DNAJB14: variants seen among roughly 807,000 people sequenced by gnomAD.
DNAJB14 encodes the protein DnaJ heat shock protein family (Hsp40) member B14.
Under a neutral mutation model 48.4 loss-of-function variants are expected in DNAJB14, and 22 were observed. The ratio of observed to expected loss-of-function variants is 0.45; its 90% CI spans 0.32 to 0.65. The LOEUF (loss-of-function observed/expected upper bound fraction) is 0.65. Ranked by LOEUF, DNAJB14 falls within the 30% of genes least tolerant of loss-of-function variation. The probability of loss-of-function intolerance (pLI) is 0.03; values close to 1 mark genes in which losing one functional copy is unlikely to be tolerated. For missense variants in DNAJB14, 319 were observed against 458.8 expected (o/e 0.70, Z 2.78); for synonymous variants, 142 against 158.7 (o/e 0.89, Z 0.79).
chr4:99,920,756 C>T (rs1008146495), intron 3 of DNAJB14, among the ~76,000 whole-genome samples: 1 of 152,074 alleles, frequency 6.6e-6, no homozygotes, highest in African/African-American at 2.4e-5. Flanking sequence ...ATTTTTAAAG[C>T]TTTACAAAAC....
chr4:99,941,278 G>A (rs1162854338), intron 1 of DNAJB14, among the ~76,000 whole-genome samples: 1 of 152,138 alleles, frequency 6.6e-6, no homozygotes, highest in African/African-American at 2.4e-5. Context: ...CAGCAAGGCA[G>A]AAGAACTAAA....
At position 99,923,579 on chromosome 4, in the gene DNAJB14, A is replaced by T. The variant is rs1002943680; in HGVS notation, c.306-394T>A. 3.5e-5 allele frequency: 25 copies of T among 722,428 alleles called. No individual in the cohort carries two copies. In the South Asian group the frequency reaches 6.2e-4, roughly 18 times the overall value. 44.8% of individuals were successfully genotyped at this position (722,428 alleles called of 1,614,324 possible). On this transcript the variant is annotated intron_variant, in intron 2 of 7. Coordinates refer to ENST00000442697, the MANE Select transcript of DNAJB14 (RefSeq NM_001031723.4). ...AACTCCTCAAAAGTATGTCACAGCT[A>T]AGAATGAACATGCATTACATTCCAA...
At chr4:99,908,587 A>G (rs751622608) in intron 4 of DNAJB14, 124 bp downstream of exon 4, 2 of 705,168 alleles carry the variant, frequency 2.8e-6, no homozygotes, top group Non-Finnish European at 4.2e-6. Flanking sequence ...ATGAAAAACC[A>G]TTACAGGATC....
At chr4:99,911,434 A>G (rs1725656944) in intron 3 of DNAJB14, among the ~76,000 whole-genome samples, 1 of 152,182 alleles carries the variant, frequency 6.6e-6, no homozygotes, top group Non-Finnish European at 1.5e-5. Context: ...TGGGTTGTAT[A>G]GTAGCTGCAC....
intron 6 of DNAJB14, 78 bp from the exon 7 acceptor site, chr4:99,903,976 A>C: frequency 7.0e-7 from 1 of 1,425,668 alleles, no homozygotes; most frequent in African/African-American, 1.5e-5. Context: ...AAACAAAAAC[A>C]ATTAAAAATC....
intron 2 of DNAJB14, chr4:99,924,271 A>G (rs1471226101): frequency 6.5e-6 from 1 of 153,024 alleles, no homozygotes; most frequent in Non-Finnish European, 1.5e-5. Context: ...AGAACTGCAA[A>G]GACTGACTCA....
chr4:99,898,296 A>G lies in DNAJB14; in HGVS notation c.*2732T>C, dbSNP rs1725191419. 2 of 151,982 alleles carry G rather than the reference A, an allele frequency of 1.3e-5. No homozygotes were observed. Among genetic ancestry groups the G allele is most frequent in the Admixed American group, 6.6e-5 (1 of 15,264 alleles). 9.4% of individuals were successfully genotyped at this position (151,982 alleles called of 1,614,324 possible). A position where few individuals can be genotyped will look rare whatever the true frequency, so the allele number is the denominator to read the frequency against. On this transcript the variant is annotated 3_prime_UTR_variant, in exon 8 of 8. Coordinates refer to ENST00000442697, the MANE Select transcript of DNAJB14 (RefSeq NM_001031723.4). ...TCTACCAAATCTTTGTAAATCATAA[A>G]CAAGCATGTAATGATTATGAAACAA... is the stretch of plus-strand genomic sequence containing the variant.
At chr4:99,923,233 C>T in intron 2 of DNAJB14, 48 bp from the exon 3 acceptor site, 3 of 1,489,456 alleles carry the variant, frequency 2.0e-6, no homozygotes, top group Non-Finnish European at 2.7e-6. Context: ...GGAAGACGGT[C>T]ATGTAATATC....
chr4:99,933,375 A>G (rs1445306831), intron 1 of DNAJB14, among the ~76,000 whole-genome samples: 1 of 145,622 alleles, frequency 6.9e-6, no homozygotes, highest in Non-Finnish European at 1.5e-5. Flanking sequence ...GTTCACTGCA[A>G]CCTCCGTCTC....
rs1726431804 is a variant in DNAJB14 at position 99,930,595 on chromosome 4, C to T, written c.160G>A (p.Gly54Arg). ...RALLEIIMKNGSTAGNSPHCR... is the reference protein window; with the variant it reads ...RALLEIIMKNRSTAGNSPHCR... ...TGAGGGCTATTTCCAGCCGTGCTTCCATTTTTCATAATTATTTCCAATAGT... is the reference window on the plus strand; with the variant it reads ...TGAGGGCTATTTCCAGCCGTGCTTCTATTTTTCATAATTATTTCCAATAGT... The change falls in exon 2 of 8, where the codon GGA becomes AGA. Residue 54 changes from glycine (G) to arginine (R), a missense_variant. Physicochemically the swap from Gly to Arg is moderately radical, Grantham distance 125. Coordinates refer to ENST00000442697, the MANE Select transcript of DNAJB14 (RefSeq NM_001031723.4). 2 of 1,610,806 alleles carry T rather than the reference C, an allele frequency of 1.2e-6. No homozygotes were observed. The highest frequency in any genetic ancestry group is 1.7e-6 in the Non-Finnish European group (2 of 1,178,438).
In DNAJB14 at chr4:99,898,728, T is replaced by C. The variant is rs747309098; in HGVS notation, c.*2300A>G. 6.6e-6 allele frequency: 1 copy of C among 151,950 alleles called. No homozygotes were observed. The highest frequency in any genetic ancestry group is 2.4e-5 in the African/African-American group (1 of 41,448). The allele number at this position is 151,950 out of a possible 1,614,324, so 9.4% of individuals were successfully genotyped here. A position where few individuals can be genotyped will look rare whatever the true frequency, so the allele number is the denominator to read the frequency against. On this transcript the variant is annotated 3_prime_UTR_variant, in exon 8 of 8. Transcript: ENST00000442697. ...TTAGGTGGTCATTAGAATGAGCCGA[T>C]GAAATTGCGAAGTTCATGTAGCTAA...
intron 3 of DNAJB14, among the ~76,000 whole-genome samples, chr4:99,916,634 T>C (rs1725865549): frequency 6.6e-6 from 1 of 152,186 alleles, no homozygotes; most frequent in South Asian, 2.1e-4. Context: ...AGAATTCCAT[T>C]TTGACTTATC....
intron 3 of DNAJB14, among the ~76,000 whole-genome samples, chr4:99,910,560 C>CT (rs984970788): frequency 6.6e-6 from 1 of 151,754 alleles, no homozygotes; most frequent in Non-Finnish European, 1.5e-5. Context: ...TTAAGGCTTC[C>CT]TTTTTTAGAA....
At chr4:99,941,971 C>T (rs1418550291) in intron 1 of DNAJB14, 1 of 151,904 alleles carries the variant, frequency 6.6e-6, no homozygotes, top group Non-Finnish European at 1.5e-5. Flanking sequence ...GTCAGAAACA[C>T]AAAAGACTGA....
chr4:99,900,468 A>G lies in DNAJB14; in HGVS notation c.*560T>C, dbSNP rs1342934868. On this transcript the variant is annotated 3_prime_UTR_variant, in exon 8 of 8. Coordinates refer to ENST00000442697, the MANE Select transcript of DNAJB14 (RefSeq NM_001031723.4). ...ATATTAAAAATATCAATTCCCTCTA[A>G]GCTGATAATACTATAAGATTTTACA... 1 of 152,172 alleles carries G rather than the reference A, an allele frequency of 6.6e-6. No individual in the cohort carries two copies. The highest frequency in any genetic ancestry group is 6.5e-5 in the Admixed American group (1 of 15,272). The allele number at this position is 152,172 out of a possible 1,614,324, so 9.4% of individuals were successfully genotyped here. A position where few individuals can be genotyped will look rare whatever the true frequency, so the allele number is the denominator to read the frequency against.
intron 2 of DNAJB14, chr4:99,926,590 C>T (rs948499710): frequency 6.6e-6 from 1 of 152,028 alleles, no homozygotes; most frequent in Non-Finnish European, 1.5e-5. Context: ...TAATTATGTT[C>T]CAGATTAAGC....
rs114392499 is a variant in DNAJB14 at position 99,940,190 on chromosome 4, T to C, written c.133+6249A>G. On this transcript the variant is annotated intron_variant, in intron 1 of 7. Transcript: ENST00000442697. The stretch of plus-strand genomic sequence containing the variant: ...TATATAATGTCCACCATTAGCTGAA[T>C]TGAATATCAGAACACATGATTTGAA... Among the ~76,000 whole-genome samples the C allele has an allele frequency of 5.3e-3, 805 of 152,358 alleles. 9 individuals are homozygous for C. The highest frequency in any genetic ancestry group is 0.019 in the African/African-American group (778 of 41,582).
intron 1 of DNAJB14, among the ~76,000 whole-genome samples, chr4:99,933,818 A>C (rs1304357334): frequency 6.6e-6 from 1 of 152,132 alleles, no homozygotes; most frequent in African/African-American, 2.4e-5. Context: ...GTGGGGAAAA[A>C]CCACCAACTG....
chr4:99,908,655 G>A, intron 4 of DNAJB14, 56 bp downstream of exon 4: 1 of 1,265,040 alleles, frequency 7.9e-7, no homozygotes, highest in Non-Finnish European at 1.1e-6. Context: ...AACGTTAACT[G>A]GAGGTAAGAC....
Sources: allele counts gnomAD v4.1 joint callset (sites outside exome capture counted in the v4.1 genomes callset), GRCh38; gene constraint gnomAD v4.1.1; transcripts MANE v1.5; gene names NCBI Gene and HGNC (gene_info 2026-07-23, HGNC 2026-07-21).